Variants in LRRC37A2 observed in about 807,000 individuals in gnomAD.
The protein encoded by LRRC37A2 is leucine rich repeat containing 37 member A2.
A neutral mutation model predicts 68.8 loss-of-function variants in LRRC37A2; 9 were observed. The observed-to-expected ratio is 0.13, with a 90% CI of 0.08 to 0.23. LRRC37A2 has a LOEUF of 0.23. LRRC37A2 is among the 10% of genes least tolerant of loss of function. LRRC37A2 has a pLI of 1.00. For missense variants in LRRC37A2, 168 were observed against 950.4 expected (o/e 0.18, Z 10.82); for synonymous variants, 63 against 367.6 (o/e 0.17, Z 9.48).
chr17:46,772,966 AGCT>A, the LRRC37A2 span, among the ~76,000 whole-genome samples: 228 of 152,234 alleles, frequency 1.5e-3, 1 homozygote, highest in African/African-American at 5.1e-3. Context: ...TTCCACAAAG[AGCT>A]GCCCATCTTC....
the LRRC37A2 span, chr17:46,722,172 T>C: frequency 6.2e-7 from 1 of 1,611,432 alleles, no homozygotes. Context: ...GAACATGGCT[T>C]TCTCCTGGGA....
the LRRC37A2 span, among the ~76,000 whole-genome samples, chr17:46,733,345 C>T: frequency 2.0e-5 from 3 of 152,008 alleles, no homozygotes; most frequent in African/African-American, 7.2e-5. Context: ...TCTTCTGCCA[C>T]CTTCTTTTTT....
At chr17:46,979,185 G>T in the LRRC37A2 span, 1 of 606,226 alleles carries the variant, frequency 1.6e-6, no homozygotes, top group Non-Finnish European at 2.5e-6. Context: ...CTGGGCACCG[G>T]GCGGGAAGCG....
At chr17:46,956,472 T>A in the LRRC37A2 span, among the ~76,000 whole-genome samples, 2 of 151,970 alleles carry the variant, frequency 1.3e-5, no homozygotes, top group African/African-American at 2.4e-5. Context: ...TTTTGTATTT[T>A]CTTAGTAGAG....
At chr17:46,496,649 T>C in the LRRC37A2 span, among the ~76,000 whole-genome samples, 1 of 127,822 alleles carries the variant, frequency 7.8e-6, no homozygotes, top group Admixed American at 7.9e-5. Flanking sequence ...GTGCAGTGGC[T>C]CATGCCTGTA....
chr17:46,820,232 A>T, the LRRC37A2 span, among the ~76,000 whole-genome samples: 1 of 152,144 alleles, frequency 6.6e-6, no homozygotes, highest in Non-Finnish European at 1.5e-5. Flanking sequence ...GCGCGGGGAA[A>T]TGGCCTCGGG....
chr17:46,788,169 T>C, the LRRC37A2 span, among the ~76,000 whole-genome samples: 3 of 152,182 alleles, frequency 2.0e-5, no homozygotes, highest in African/African-American at 7.2e-5. Flanking sequence ...CTTGGCCAGC[T>C]TTTCCTCCTG....
At chr17:46,575,448 C>T in the LRRC37A2 span, among the ~76,000 whole-genome samples, 1 of 150,774 alleles carries the variant, frequency 6.6e-6, no homozygotes, top group East Asian at 1.9e-4. Flanking sequence ...TGAGATGCTG[C>T]CACTAAGGAA....
the LRRC37A2 span, chr17:46,876,236 C>A: frequency 8.2e-6 from 13 of 1,594,962 alleles, no homozygotes; most frequent in East Asian, 2.9e-4. Context: ...TGTTCTGCCT[C>A]CCCCACAGGC....
At chr17:47,010,063 C>T in the LRRC37A2 span, among the ~76,000 whole-genome samples, 5 of 152,202 alleles carry the variant, frequency 3.3e-5, no homozygotes, top group Admixed American at 2.0e-4. Context: ...AGAAACCCAA[C>T]TCAAACTTGT....
At chr17:46,755,630 A>C in the LRRC37A2 span, 3 of 728,176 alleles carry the variant, frequency 4.1e-6, no homozygotes, top group African/African-American at 5.3e-5. Flanking sequence ...TTTTACATGC[A>C]TGGAGCTGTG....
At chr17:46,827,402 G>A in the LRRC37A2 span, among the ~76,000 whole-genome samples, 2 of 152,120 alleles carry the variant, frequency 1.3e-5, no homozygotes, top group East Asian at 1.9e-4. Context: ...TTTGGACATT[G>A]TTGTTTTGGG....
the LRRC37A2 span, among the ~76,000 whole-genome samples, chr17:46,666,085 A>G: frequency 6.6e-6 from 1 of 151,240 alleles, no homozygotes; most frequent in Admixed American, 6.7e-5. Flanking sequence ...CCGCTTTCCA[A>G]TGTCTGGCAG....
the LRRC37A2 span, chr17:46,751,449 A>G: frequency 5.3e-5 from 66 of 1,240,812 alleles, no homozygotes; most frequent in African/African-American, 8.8e-5. Context: ...GAATTAACCA[A>G]TGTTGATGTG....
the LRRC37A2 span, among the ~76,000 whole-genome samples, chr17:46,836,994 G>T: frequency 1.3e-5 from 2 of 152,028 alleles, no homozygotes; most frequent in East Asian, 3.9e-4. Context: ...CCAGGCTGTA[G>T]TGCAGTGGCG....
the LRRC37A2 span, among the ~76,000 whole-genome samples, chr17:46,493,331 T>TG: frequency 7.8e-6 from 1 of 128,320 alleles, no homozygotes; most frequent in African/African-American, 3.1e-5. Context: ...GGCTAGTTTT[T>TG]TTTTTTTTTT....
the LRRC37A2 span, among the ~76,000 whole-genome samples, chr17:46,724,210 TA>T: frequency 6.6e-6 from 1 of 152,196 alleles, no homozygotes; most frequent in African/African-American, 2.4e-5. Context: ...TTCCTAAATT[TA>T]GGAAACTGTC....
At chr17:46,822,470 G>A in the LRRC37A2 span, among the ~76,000 whole-genome samples, 4 of 152,246 alleles carry the variant, frequency 2.6e-5, no homozygotes, top group East Asian at 5.8e-4. Context: ...AGGTGCACGC[G>A]GAGGTCGGCT....
chr17:46,766,805 C>T, the LRRC37A2 span, among the ~76,000 whole-genome samples: 8 of 152,186 alleles, frequency 5.3e-5, no homozygotes, highest in African/African-American at 1.7e-4. Flanking sequence ...AGAGGGGGCA[C>T]TCTACCCTTT....
Sources: gnomAD v4.1 joint callset for allele counts (sites outside exome capture counted in the v4.1 genomes callset) on GRCh38, gnomAD v4.1.1 for gene constraint, MANE v1.5 for transcripts, NCBI Gene and HGNC (gene_info 2026-07-23, HGNC 2026-07-21) for gene names.